Variants in DCBLD1 observed in about 807,000 individuals in gnomAD.
DCBLD1 encodes discoidin, CUB and LCCL domain-containing protein 1.
In DCBLD1, 57 loss-of-function variants were observed where a neutral mutation model predicts 71.5. The ratio of observed to expected loss-of-function variants is 0.80; its 90% confidence interval spans 0.64 to 0.99. The LOEUF (loss-of-function observed/expected upper bound fraction) is 0.99, where lower values mean the gene tolerates loss of function less well. Among genes scored for constraint, DCBLD1 ranks in the 50% least tolerant of loss-of-function variants. DCBLD1 has a pLI of 0.00. For missense variants in DCBLD1, 891 were observed against 923.5 expected, an observed-to-expected ratio of 0.96 and a Z score of 0.46; for synonymous variants, 380 against 363.8, an observed-to-expected ratio of 1.04 and a Z score of -0.51.
chr6:117,562,705 A>G (rs1017891962), intron 14 of DCBLD1: 1 of 207,162 alleles, frequency 4.8e-6, no homozygotes, highest in Admixed American at 5.9e-5. Context: ...ATAAATGATC[A>G]TTAATAATTG....
At chr6:117,493,876 T>C (rs2114385001) in intron 1 of DCBLD1, among the ~76,000 whole-genome samples, 1 of 152,324 alleles carries the variant, frequency 6.6e-6, no homozygotes, top group South Asian at 2.1e-4. Context: ...TTCAGTTTTG[T>C]TGTATAGGAG....
intron 1 of DCBLD1, among the ~76,000 whole-genome samples, chr6:117,488,759 A>G (rs910105393): frequency 2.6e-5 from 4 of 152,220 alleles, no homozygotes; most frequent in African/African-American, 9.6e-5. Context: ...TGAGCAAATG[A>G]TCCACTGATT....
Position 117,548,234 on chromosome 6 carries a change from A to G in DCBLD1, c.1943A>G (p.Gln648Arg), listed in dbSNP as rs993877832. 4.5e-6 allele frequency: 7 copies of G among 1,550,482 alleles called. No individual in the cohort carries two copies. In the African/African-American group the frequency reaches 5.5e-5, roughly 12 times the overall value. ...TCCCCCGTAGCGGGTGTGGGCGCCC[A>G]GGACGGAGACTATCAAAGGCCACAC... The part of the protein sequence containing the change: ...GFSPVAGVGA[Q>R]DGDYQRPHSA... The change falls in exon 15 of 15, where the codon CAG becomes CGG. Residue 648 changes from glutamine to arginine, a missense_variant. Transcript: ENST00000338728.
intron 4 of DCBLD1, among the ~76,000 whole-genome samples, chr6:117,524,858 T>C (rs1054726771): frequency 6.6e-6 from 1 of 152,212 alleles, no homozygotes; most frequent in Non-Finnish European, 1.5e-5. Flanking sequence ...TGGCTCCCAT[T>C]ATATTTCTAT....
At chr6:117,490,153 C>T (rs1777242127) in intron 1 of DCBLD1, among the ~76,000 whole-genome samples, 1 of 152,016 alleles carries the variant, frequency 6.6e-6, no homozygotes, top group African/African-American at 2.4e-5. Flanking sequence ...TGTGTACACA[C>T]ACATTTACTA....
At chr6:117,568,899 T>A (rs1272775111) in intron 14 of DCBLD1, among the ~76,000 whole-genome samples, 1 of 152,214 alleles carries the variant, frequency 6.6e-6, no homozygotes, top group African/African-American at 2.4e-5. Flanking sequence ...TACAGAGGCA[T>A]ACCACACTGA....
chr6:117,506,528 C>G (rs1582983659), intron 2 of DCBLD1, among the ~76,000 whole-genome samples: 1 of 152,194 alleles, frequency 6.6e-6, no homozygotes, highest in Non-Finnish European at 1.5e-5. Flanking sequence ...TTAAAGATTT[C>G]CTTTGACCAA....
intron 14 of DCBLD1, among the ~76,000 whole-genome samples, chr6:117,556,206 C>T (rs1020660194): frequency 6.6e-6 from 1 of 152,174 alleles, no homozygotes; most frequent in Non-Finnish European, 1.5e-5. Context: ...TACCTATCTT[C>T]CTTTTTTAAA....
chr6:117,552,753 C>G (rs754081025), downstream of DCBLD1, among the ~76,000 whole-genome samples: 1 of 152,142 alleles, frequency 6.6e-6, no homozygotes, highest in Non-Finnish European at 1.5e-5. Flanking sequence ...CCACACATGT[C>G]CACATTCTTG....
intron 2 of DCBLD1, among the ~76,000 whole-genome samples, chr6:117,513,401 T>C (rs1778086229): frequency 6.6e-6 from 1 of 152,194 alleles, no homozygotes; most frequent in African/African-American, 2.4e-5. Flanking sequence ...TGGAGTCTCA[T>C]GTCTGGTGCC....
At chr6:117,530,846 T>G (rs1583014263) in intron 5 of DCBLD1, among the ~76,000 whole-genome samples, 1 of 152,240 alleles carries the variant, frequency 6.6e-6, no homozygotes. Context: ...AAAAGCAACC[T>G]GCATTCTTAT....
At position 117,543,184 on chromosome 6, in the gene DCBLD1, G is replaced by T. The variant is rs1779158200; in HGVS notation, c.1418G>T (p.Gly473Val). Residue 473 changes from glycine to valine, a missense_variant, in exon 12 of 15, where the codon GGA (glycine) becomes GTA (valine). By Grantham distance (109) the Gly-to-Val change is moderately radical. Coordinates refer to ENST00000338728, the MANE Select transcript of DCBLD1 (RefSeq NM_001366458.2). ...LVLLVVLVFA[G>V]MGIFAAFRKK... The stretch of plus-strand genomic sequence containing the variant: ...CTCCTTGTTGTCCTGGTGTTTGCTG[G>T]AATGGGGATCTTTGCAGCCTTTAGA... 6.2e-7 allele frequency: 1 copy of T among 1,613,964 alleles called. No homozygotes were observed. Among genetic ancestry groups the T allele is most frequent in the South Asian group, 1.1e-5 (1 of 91,080 alleles).
At chr6:117,501,732 G>T (rs1477408293) in intron 1 of DCBLD1, among the ~76,000 whole-genome samples, 2 of 152,166 alleles carry the variant, frequency 1.3e-5, no homozygotes, top group Non-Finnish European at 1.5e-5. Flanking sequence ...CCCGTGCACT[G>T]TGTGCTCCTG....
At chr6:117,505,296 T>C (rs1777801557) in intron 2 of DCBLD1, among the ~76,000 whole-genome samples, 1 of 152,102 alleles carries the variant, frequency 6.6e-6, no homozygotes, top group Non-Finnish European at 1.5e-5. Context: ...TAATCTAATG[T>C]GTATTAACTT....
At chr6:117,521,837 G>A (rs1163994977) in intron 4 of DCBLD1, among the ~76,000 whole-genome samples, 1 of 152,094 alleles carries the variant, frequency 6.6e-6, no homozygotes, top group Admixed American at 6.5e-5. Context: ...TGCTGTTGTA[G>A]CAAAAAAGCA....
At position 117,548,048 on chromosome 6, in the gene DCBLD1, G is replaced by A. The variant is rs1465354246; in HGVS notation, c.1757G>A (p.Arg586His). 13 of 1,549,114 alleles carry A rather than the reference G, an allele frequency of 8.4e-6. No homozygotes were observed. The highest frequency in any genetic ancestry group is 1.1e-5 in the Non-Finnish European group (13 of 1,146,232). ...TATGACTGCCCGCAGCGGGCCGGCC[G>A]CCACGAGTACGCGCTGCCCCTGGCG... ...GHYDCPQRAG[R>H]HEYALPLAPP... The change falls in exon 15 of 15, where the codon CGC becomes CAC. Residue 586 changes from arginine (R) to histidine (H), a missense_variant. Coordinates refer to ENST00000338728, the MANE Select transcript of DCBLD1 (RefSeq NM_001366458.2).
At chr6:117,519,062 G>T (rs1470399053) in intron 2 of DCBLD1, among the ~76,000 whole-genome samples, 1 of 152,012 alleles carries the variant, frequency 6.6e-6, no homozygotes, top group African/African-American at 2.4e-5. Flanking sequence ...ATTGTCTTGC[G>T]TATGTTACTT....
chr6:117,527,251 A>G (rs1158316313), intron 5 of DCBLD1, among the ~76,000 whole-genome samples: 1 of 152,172 alleles, frequency 6.6e-6, no homozygotes, highest in Non-Finnish European at 1.5e-5. Context: ...CTTAGAAGAA[A>G]ATCTCAGCCC....
chr6:117,566,606 T>C (rs1222377451), intron 14 of DCBLD1, among the ~76,000 whole-genome samples: 1 of 152,182 alleles, frequency 6.6e-6, no homozygotes, highest in Non-Finnish European at 1.5e-5. Flanking sequence ...TTATTTATTT[T>C]TCAAGGATCA....
Sources: gnomAD v4.1 joint callset for allele counts (sites outside exome capture counted in the v4.1 genomes callset) on GRCh38, gnomAD v4.1.1 for gene constraint, MANE v1.5 for transcripts, NCBI Gene and HGNC (gene_info 2026-07-23, HGNC 2026-07-21) for gene names.